The following SHANK2 variants were observed in gnomAD, a reference collection of about 807,000 sequenced individuals.
SHANK2 encodes the protein SH3 and multiple ankyrin repeat domains 2.
SHANK2 carries 43 observed loss-of-function variants against 133.7 expected under a neutral mutation model. The observed-to-expected ratio is 0.32, with a 90% CI of 0.25 to 0.41. The LOEUF is 0.41. SHANK2 is among the 10% of genes least tolerant of loss of function. SHANK2 has a pLI of 1.00. For synonymous variants in SHANK2, 1,017 were observed against 952.8 expected (o/e 1.07, Z -1.24); for missense variants, 1,994 against 2,235.8 (o/e 0.89, Z 2.18).
chr11:70,946,360 CACTTCCCAGGATCAG>C (rs1555085437), intron 10 of SHANK2, among the ~76,000 whole-genome samples: 105 of 147,490 alleles, frequency 7.1e-4, no homozygotes, highest in African/African-American at 1.1e-3. Context: ...CACTAACCAA[CACTTCCCAGGATCAG>C]CCTCCCTCTC....
chr11:70,582,385 G>A (rs2060196010), intron 17 of SHANK2, among the ~76,000 whole-genome samples: 1 of 152,200 alleles, frequency 6.6e-6, no homozygotes, highest in Non-Finnish European at 1.5e-5. Flanking sequence ...TGCAAGTGAC[G>A]GGAGGGCTGG....
In SHANK2 at chr11:70,479,263, G is replaced by T. The variant is rs782672824; in HGVS notation, c.4980-5824C>A. Among the ~76,000 whole-genome samples, 11 of 152,214 alleles carry T rather than the reference G, an allele frequency of 7.2e-5. No homozygotes were observed. The highest frequency in any genetic ancestry group is 1.5e-4 in the Non-Finnish European group (10 of 68,034). On this transcript the variant is annotated intron_variant, in intron 25 of 25. Transcript: ENST00000601538. This position sits in a 1 kb window ranked among gnomAD's most constrained non-coding sequence, Gnocchi z 4.4. ...ACCGTGAGGCAGCTTCTAGTACCAA[G>T]TCAGTTTTGAAGCAGTCTGTGCTCT...
At chr11:70,686,740 A>G (rs529356884) in intron 15 of SHANK2, among the ~76,000 whole-genome samples, 1 of 152,298 alleles carries the variant, frequency 6.6e-6, no homozygotes, top group African/African-American at 2.4e-5. Flanking sequence ...CTCTAGCTCT[A>G]CAAGTCAGGC....
At chr11:70,580,227 C>T (rs1456057129) in intron 17 of SHANK2, among the ~76,000 whole-genome samples, 2 of 152,228 alleles carry the variant, frequency 1.3e-5, no homozygotes, top group Non-Finnish European at 2.9e-5. Context: ...CCCTTTTGGT[C>T]ATTAATAAAC....
In SHANK2 at chr11:70,485,384, C is replaced by T; in HGVS notation, c.4909G>A (p.Glu1637Lys). The change falls in exon 25 of 26, where the codon GAG becomes AAG. Residue 1637 changes from glutamate to lysine, a missense_variant. Physicochemically the swap from Glu to Lys is moderately conservative, Grantham distance 56. This residue lies in a region of SHANK2 where 797 missense variants were observed against 907.4 expected (regional missense o/e 0.88). Transcript: ENST00000601538. The surrounding 1 kb of genome is among the most constrained non-coding windows in gnomAD (Gnocchi z 5.8). ...LNSILQQMNR[E>K]KLAKPGEGLD... Reference sequence around the variant, plus strand: ...CCTTCCCCCGGCTTTGCCAATTTCTCTCGGTTCATTTGCTGTAGGATAGAG... The same window carrying T: ...CCTTCCCCCGGCTTTGCCAATTTCTTTCGGTTCATTTGCTGTAGGATAGAG... The T allele has an allele frequency of 6.2e-7, 1 of 1,614,076 alleles. No individual in the cohort carries two copies. The highest frequency in any genetic ancestry group is 8.5e-7 in the Non-Finnish European group (1 of 1,180,048).
chr11:70,671,166 T>A (rs1270808969), intron 15 of SHANK2, among the ~76,000 whole-genome samples: 1 of 152,196 alleles, frequency 6.6e-6, no homozygotes, highest in Admixed American at 6.5e-5. Context: ...CTACCAGGCA[T>A]GTTACCTGCC....
chr11:70,815,184 AC>A (rs1948365424), intron 12 of SHANK2, among the ~76,000 whole-genome samples: 3 of 27,748 alleles, frequency 1.1e-4, no homozygotes, highest in Non-Finnish European at 1.8e-4. Context: ...AAACACACAC[AC>A]ACACACACAC....
intron 8 of SHANK2, among the ~76,000 whole-genome samples, chr11:71,081,040 G>A (rs1044169499): frequency 1.3e-3 from 194 of 152,314 alleles, no homozygotes; most frequent in African/African-American, 4.6e-3. Context: ...ATGTGAAGAG[G>A]GTCTTTCGAG....
chr11:71,111,636 G>C (rs1437124401), intron 5 of SHANK2, among the ~76,000 whole-genome samples: 1 of 152,192 alleles, frequency 6.6e-6, no homozygotes, highest in African/African-American at 2.4e-5. Context: ...TGCGGCTTCT[G>C]ACACAGCAGG....
In SHANK2 at chr11:70,493,464, A is replaced by ATG. The variant is rs2058926780; in HGVS notation, c.2309-1000_2309-999insCA. 2.1e-5 allele frequency among the ~76,000 whole-genome samples: 3 copies of ATG among 140,304 alleles called. No individual in the cohort carries two copies. In the East Asian group the frequency reaches 6.1e-4, roughly 29 times the overall value. The allele number at this position is 140,304 out of a possible 152,430, so 92.0% of individuals were successfully genotyped here. A position where few individuals can be genotyped will look rare whatever the true frequency, so the allele number is the denominator to read the frequency against. ...TTTTTAAAGAGGACATTTGCAGCAC[A>ATG]TTTTTTTTTTTTTTTTTACTTGAAA... On this transcript the variant is annotated intron_variant, in intron 21 of 25. Transcript: ENST00000601538.
chr11:70,859,560 G>A (rs1949225554), intron 11 of SHANK2, among the ~76,000 whole-genome samples: 1 of 152,152 alleles, frequency 6.6e-6, no homozygotes, highest in Admixed American at 6.5e-5. Context: ...GATAGGTGGG[G>A]ATGGATGGAC....
At chr11:70,764,260 TCCATCCATCCAC>T (rs1555040880) in intron 14 of SHANK2, among the ~76,000 whole-genome samples, 1 of 141,716 alleles carries the variant, frequency 7.1e-6, no homozygotes, top group East Asian at 2.5e-4. Context: ...CATCCATCCA[TCCATCCATCCAC>T]ACATCCATGC....
At chr11:71,163,643 G>T (rs1401228319) in intron 2 of SHANK2, among the ~76,000 whole-genome samples, 2 of 152,178 alleles carry the variant, frequency 1.3e-5, no homozygotes, top group East Asian at 3.9e-4. Context: ...AGAAAGAGAG[G>T]CAGCTCACAC....
chr11:70,484,513 G>A lies in SHANK2; in HGVS notation c.4979+801C>T, dbSNP rs181819294. On this transcript the variant is annotated intron_variant, in intron 25 of 25. Coordinates refer to ENST00000601538, the MANE Select transcript of SHANK2 (RefSeq NM_012309.5). ...TTCCCATATAGCCTGCAGAACTCGA[G>A]CCAATTAAACCTCATTTTTTTATAA... Among the ~76,000 whole-genome samples the A allele has an allele frequency of 3.2e-4, 49 of 152,172 alleles. No homozygotes were observed. In the South Asian group the frequency reaches 5.0e-3, roughly 15 times the overall value.
At chr11:71,073,898 G>C (rs1245004145) in intron 9 of SHANK2, among the ~76,000 whole-genome samples, 2 of 152,150 alleles carry the variant, frequency 1.3e-5, no homozygotes. Flanking sequence ...TCCATATAGA[G>C]ACCTGCTGAC....
At chr11:70,501,795 G>T in intron 20 of SHANK2, 128 bp downstream of exon 20, 1 of 920,690 alleles carries the variant, frequency 1.1e-6, no homozygotes, top group Non-Finnish European at 1.7e-6. Context: ...GGAGGATGGA[G>T]CCTTCTGGTC....
intron 10 of SHANK2, among the ~76,000 whole-genome samples, chr11:70,924,217 C>A (rs1950394670): frequency 6.6e-6 from 1 of 152,188 alleles, no homozygotes; most frequent in Non-Finnish European, 1.5e-5. Flanking sequence ...CCTGACGGTA[C>A]AGATACTGAC....
At chr11:70,697,540 G>A (rs557859959) in intron 15 of SHANK2, among the ~76,000 whole-genome samples, 3 of 152,198 alleles carry the variant, frequency 2.0e-5, no homozygotes, top group Non-Finnish European at 4.4e-5. Flanking sequence ...AGCAGATAGT[G>A]GTGATGGTTG....
At chr11:70,863,769 GT>G (rs1949302048) in intron 11 of SHANK2, 1 of 455,452 alleles carries the variant, frequency 2.2e-6, no homozygotes, top group East Asian at 7.0e-5. Flanking sequence ...AGTCACTCAG[GT>G]AGGTCCTCAT....
Sources: gnomAD v4.1 joint callset for allele counts (sites outside exome capture counted in the v4.1 genomes callset) on GRCh38, gnomAD v4.1.1 for gene constraint, gnomAD v4.1.1 regional missense constraint, Gnocchi (gnomAD v3.1) non-coding constraint, MANE v1.5 for transcripts, NCBI Gene and HGNC (gene_info 2026-07-23, HGNC 2026-07-21) for gene names.